Variants in PARVA observed in about 807,000 individuals in gnomAD.
PARVA encodes alpha-parvin.
PARVA carries 25 observed loss-of-function variants against 52.6 expected under a neutral mutation model. That is an observed-to-expected ratio of 0.48 (90% CI 0.35 to 0.66). The LOEUF is 0.66. Ranked by LOEUF, PARVA falls within the 30% of genes least tolerant of loss-of-function variation. The pLI, the probability that PARVA is intolerant of heterozygous loss-of-function variation, is 0.01. For synonymous variants in PARVA, 185 were observed against 179.1 expected, an observed-to-expected ratio of 1.03 and a Z score of -0.26; for missense variants, 373 against 450.9, an observed-to-expected ratio of 0.83 and a Z score of 1.56.
chr11:12,432,858 C>T (rs1045361416), intron 1 of PARVA, among the ~76,000 whole-genome samples: 2 of 152,120 alleles, frequency 1.3e-5, no homozygotes, highest in Admixed American at 6.6e-5. Context: ...AATCCATTCC[C>T]AGAAAACTGA....
intron 5 of PARVA, among the ~76,000 whole-genome samples, chr11:12,497,935 C>T (rs1348479646): frequency 1.3e-5 from 2 of 152,158 alleles, no homozygotes; most frequent in African/African-American, 4.8e-5. Context: ...ATAGGGACCA[C>T]CTCCCTGTAC....
rs559433236 is a variant in PARVA at position 12,520,058 on chromosome 11, T to G, written c.1042+1541T>G. Reference sequence around the variant, plus strand: ...TTACAGATTGGAAGTACTTCTGCTATTTTAGAATTGGGATATTTCTTTCCC... The same window carrying G: ...TTACAGATTGGAAGTACTTCTGCTAGTTTAGAATTGGGATATTTCTTTCCC... On this transcript the variant is annotated intron_variant, in intron 12 of 12. Transcript: ENST00000334956. Among the ~76,000 whole-genome samples, 8 of 152,386 alleles carry G rather than the reference T, an allele frequency of 5.2e-5. No individual in the cohort carries two copies. The East Asian group carries it at 1.5e-3, about 29-fold the overall frequency.
intron 1 of PARVA, among the ~76,000 whole-genome samples, chr11:12,461,023 TC>T (rs1334683016): frequency 2.6e-5 from 4 of 151,730 alleles, no homozygotes; most frequent in Admixed American, 6.6e-5. Context: ...GGATGCAGCG[TC>T]CCCCCCTCTC....
chr11:12,474,658 C>T (rs2135037339), intron 3 of PARVA, among the ~76,000 whole-genome samples: 1 of 152,230 alleles, frequency 6.6e-6, no homozygotes, highest in South Asian at 2.1e-4. Flanking sequence ...TGCGATGAAA[C>T]ATCATCTCTA....
intron 1 of PARVA, among the ~76,000 whole-genome samples, chr11:12,438,069 G>C (rs1280517683): frequency 6.6e-6 from 1 of 152,014 alleles, no homozygotes; most frequent in Non-Finnish European, 1.5e-5. Flanking sequence ...GACCATCCTG[G>C]CTAACACGGT....
chr11:12,490,252 A>G (rs1941217850), intron 4 of PARVA, among the ~76,000 whole-genome samples: 2 of 148,490 alleles, frequency 1.3e-5, no homozygotes, highest in African/African-American at 5.0e-5. Context: ...GGCGGGGCTC[A>G]GTGACTCACG....
intron 1 of PARVA, among the ~76,000 whole-genome samples, chr11:12,425,698 A>C (rs746528476): frequency 3.3e-5 from 5 of 152,202 alleles, no homozygotes; most frequent in Non-Finnish European, 5.9e-5. Flanking sequence ...CATATGTCTA[A>C]TATCCCTGTA....
chr11:12,465,281 T>G (rs1940840247), intron 1 of PARVA, among the ~76,000 whole-genome samples: 1 of 152,174 alleles, frequency 6.6e-6, no homozygotes, highest in African/African-American at 2.4e-5. Context: ...CTTTGCCATG[T>G]GCTGCCTCAG....
intron 1 of PARVA, among the ~76,000 whole-genome samples, chr11:12,468,612 A>C (rs1940887386): frequency 6.6e-6 from 1 of 152,204 alleles, no homozygotes; most frequent in African/African-American, 2.4e-5. Flanking sequence ...TGGCTCAAAC[A>C]GTAAGGGAAT....
At chr11:12,423,303 T>C (rs1321062771) in intron 1 of PARVA, among the ~76,000 whole-genome samples, 2 of 150,676 alleles carry the variant, frequency 1.3e-5, no homozygotes, top group Non-Finnish European at 3.0e-5. Flanking sequence ...CCCAGTCTCC[T>C]GAGTAGCTAG....
intron 1 of PARVA, among the ~76,000 whole-genome samples, chr11:12,388,181 A>T (rs905157962): frequency 1.3e-5 from 2 of 152,218 alleles, no homozygotes; most frequent in Non-Finnish European, 2.9e-5. Context: ...GCTGGAGGGC[A>T]CACCTTTGGT....
At chr11:12,456,489 T>C (rs1940698516) in intron 1 of PARVA, among the ~76,000 whole-genome samples, 1 of 152,050 alleles carries the variant, frequency 6.6e-6, no homozygotes, top group South Asian at 2.1e-4. Flanking sequence ...CCAGCCATCC[T>C]ACAGACTTGC....
Position 12,534,482 on chromosome 11 carries a change from C to A in PARVA, c.*6557C>A, listed in dbSNP as rs1424379064. 6.6e-6 allele frequency among the ~76,000 whole-genome samples: 1 copy of A among 152,158 alleles called. No individual in the cohort carries two copies. The highest frequency in any genetic ancestry group is 2.4e-5 in the African/African-American group (1 of 41,424). ...TTTGATACTGGCATTTGGAAGGGCA[C>A]TTGGGAAATTCAGAGAAGTACCCAT... On this transcript the variant is annotated 3_prime_UTR_variant, in exon 13 of 13. Transcript: ENST00000334956.
intron 4 of PARVA, among the ~76,000 whole-genome samples, chr11:12,490,215 CAAAAAA>C (rs34941352): frequency 9.3e-6 from 1 of 107,696 alleles, no homozygotes; most frequent in Admixed American, 9.3e-5. Flanking sequence ...GACTCAGTCT[CAAAAAA>C]AAAAAAAAAA....
At chr11:12,451,852 C>T (rs1940627702) in intron 1 of PARVA, among the ~76,000 whole-genome samples, 2 of 152,144 alleles carry the variant, frequency 1.3e-5, no homozygotes, top group African/African-American at 4.8e-5. Flanking sequence ...GCCATTGGCT[C>T]CTTGAAGAAT....
chr11:12,392,156 TATA>T (rs1305724678), intron 1 of PARVA, among the ~76,000 whole-genome samples: 3 of 151,978 alleles, frequency 2.0e-5, no homozygotes, highest in South Asian at 2.1e-4. Context: ...AATGGAATAA[TATA>T]ATATATGGAA....
chr11:12,507,269 A>G (rs1589984537), intron 6 of PARVA, among the ~76,000 whole-genome samples: 1 of 152,172 alleles, frequency 6.6e-6, no homozygotes, highest in Non-Finnish European at 1.5e-5. Context: ...CTTCACGCTC[A>G]TCTCAGCCTT....
chr11:12,381,500 T>C (rs1175402472), intron 1 of PARVA, among the ~76,000 whole-genome samples: 1 of 152,202 alleles, frequency 6.6e-6, no homozygotes, highest in East Asian at 1.9e-4. Context: ...AAAGATATAA[T>C]ACTTGTTAGA....
intron 4 of PARVA, among the ~76,000 whole-genome samples, chr11:12,481,252 C>CTAAAAGGAAGAGTT (rs1362653990): frequency 6.6e-6 from 1 of 152,102 alleles, no homozygotes; most frequent in African/African-American, 2.4e-5. Flanking sequence ...AACTGGAATT[C>CTAAAAGGAAGAGTT]TAAAAGGAAG....
Sources: gnomAD v4.1 joint callset for allele counts (sites outside exome capture counted in the v4.1 genomes callset) on GRCh38, gnomAD v4.1.1 for gene constraint, MANE v1.5 for transcripts, NCBI Gene and HGNC (gene_info 2026-07-23, HGNC 2026-07-21) for gene names.